Variants in VEPH1 observed in about 807,000 individuals in gnomAD.
The protein encoded by VEPH1 is ventricular zone-expressed PH domain-containing protein homolog 1.
A neutral mutation model predicts 85.2 loss-of-function variants in VEPH1; 80 were observed. The ratio of observed to expected loss-of-function variants is 0.94; its 90% CI spans 0.78 to 1.13. The LOEUF is 1.13. Ranked by LOEUF, VEPH1 falls within the 50% of genes most tolerant of loss-of-function variation. The probability of loss-of-function intolerance (pLI) is 0.00; values close to 1 mark genes in which losing one functional copy is unlikely to be tolerated. For missense variants in VEPH1, 955 were observed against 980.5 expected (o/e 0.97, Z 0.35); for synonymous variants, 297 against 348.0 (o/e 0.85, Z 1.63).
At chr3:157,496,669 C>T (rs1739690338) in intron 1 of VEPH1, among the ~76,000 whole-genome samples, 1 of 152,130 alleles carries the variant, frequency 6.6e-6, no homozygotes, top group African/African-American at 2.4e-5. Flanking sequence ...TGGGTAGTCT[C>T]AGACCTCTCC....
At chr3:157,304,808 T>C (rs1389011007) in intron 11 of VEPH1, among the ~76,000 whole-genome samples, 1 of 152,192 alleles carries the variant, frequency 6.6e-6, no homozygotes, top group Non-Finnish European at 1.5e-5. Context: ...CAACTAGAGC[T>C]ATATCATTAA....
chr3:157,481,467 A>ACACACACACACACAC (rs60293047), intron 2 of VEPH1, among the ~76,000 whole-genome samples: 44 of 53,514 alleles, frequency 8.2e-4, no homozygotes, highest in Non-Finnish European at 1.1e-3. Context: ...CACACACACA[A>ACACACACACACACAC]AAAAAAAAAA....
chr3:157,421,623 A>T (rs1732344741), intron 5 of VEPH1, among the ~76,000 whole-genome samples: 1 of 152,114 alleles, frequency 6.6e-6, no homozygotes. Context: ...TGTCTAATTA[A>T]GGAAGGGGTG....
At chr3:157,478,802 A>G (rs1273620552) in intron 2 of VEPH1, among the ~76,000 whole-genome samples, 1 of 152,204 alleles carries the variant, frequency 6.6e-6, no homozygotes, top group Non-Finnish European at 1.5e-5. Flanking sequence ...TATATCAGGT[A>G]TAGATACATC....
intron 12 of VEPH1, among the ~76,000 whole-genome samples, chr3:157,267,106 T>C (rs1278534072): frequency 1.4e-4 from 18 of 131,706 alleles, no homozygotes; most frequent in East Asian, 1.3e-3. Context: ...TTTTTTCTTT[T>C]TTTTTTTTTT....
At chr3:157,341,776 A>C (rs1723589089) in intron 9 of VEPH1, among the ~76,000 whole-genome samples, 1 of 152,066 alleles carries the variant, frequency 6.6e-6, no homozygotes, top group Admixed American at 6.5e-5. Flanking sequence ...AGCCAGAGAG[A>C]AAGGTCGGGT....
Position 157,495,311 on chromosome 3 carries a change from ATC to A in VEPH1, c.37_38del (p.Asp13SerfsTer12). Reference protein sequence around the residue: ...QLFRLVLGQKDLSRAGDLFSL... With the variant: ...QLFRLVLGQKXLSRAGDLFSL... ...AGAAGAGGTCCCCAGCTCGTGAAAG[ATC>A]TTTTTGTCCCAAAACCAGTCTGAAC... On this transcript the variant is annotated frameshift_variant, in exon 2 of 14. Transcript: ENST00000362010. LOFTEE classifies it high-confidence loss of function. The A allele has an allele frequency of 6.2e-7, 1 of 1,614,054 alleles. No individual in the cohort carries two copies. Among genetic ancestry groups the A allele is most frequent in the South Asian group, 1.1e-5 (1 of 91,072 alleles).
At chr3:157,426,369 C>G (rs1483525389) in intron 5 of VEPH1, among the ~76,000 whole-genome samples, 1 of 152,080 alleles carries the variant, frequency 6.6e-6, no homozygotes, top group Non-Finnish European at 1.5e-5. Flanking sequence ...CGAAGAGAGC[C>G]CCTAGCACCT....
intron 12 of VEPH1, among the ~76,000 whole-genome samples, chr3:157,280,636 T>C (rs563271156): frequency 1.3e-5 from 2 of 152,340 alleles, no homozygotes; most frequent in South Asian, 4.1e-4. Flanking sequence ...AAATTCAGTT[T>C]CCACAACATG....
intron 8 of VEPH1, 54 bp from the exon 9 acceptor site, chr3:157,363,815 A>C (rs55865575): frequency 0.25 from 390,519 of 1,561,708 alleles, 52,214 homozygotes; most frequent in Admixed American, 0.47. Context: ...TTCACTGACA[A>C]GGAAAAGAAA....
At chr3:157,320,720 A>G (rs1303974775) in intron 9 of VEPH1, among the ~76,000 whole-genome samples, 2 of 152,162 alleles carry the variant, frequency 1.3e-5, no homozygotes, top group Admixed American at 6.5e-5. Flanking sequence ...TAACATGAAC[A>G]TAAGTAATTA....
chr3:157,452,191 A>AG (rs1188194952), intron 4 of VEPH1, among the ~76,000 whole-genome samples: 20 of 152,188 alleles, frequency 1.3e-4, no homozygotes, highest in African/African-American at 4.8e-4. Flanking sequence ...CATGCAGGGG[A>AG]GGGCAGCCAA....
At chr3:157,494,949 T>C (rs1412857670) in intron 2 of VEPH1, among the ~76,000 whole-genome samples, 2 of 152,166 alleles carry the variant, frequency 1.3e-5, no homozygotes, top group East Asian at 3.8e-4. Flanking sequence ...AATATTTTTG[T>C]GAGAATTCCA....
At chr3:157,459,937 CAGATT>C (rs1427087497) in intron 4 of VEPH1, 1 of 1,537,060 alleles carries the variant, frequency 6.5e-7, no homozygotes, top group African/African-American at 1.4e-5. Context: ...CTGAGAAACA[CAGATT>C]TGGAAGAATG....
At chr3:157,438,888 A>G (rs1733894427) in intron 4 of VEPH1, among the ~76,000 whole-genome samples, 1 of 152,204 alleles carries the variant, frequency 6.6e-6, no homozygotes, top group African/African-American at 2.4e-5. Context: ...TAGGTAAGAA[A>G]ATATAACTTG....
chr3:157,438,063 A>ACACG (rs1733807182), intron 4 of VEPH1: 1 of 746,200 alleles, frequency 1.3e-6, no homozygotes. Flanking sequence ...ACACACACAC[A>ACACG]CACACACACC....
At chr3:157,428,835 G>C (rs990707746) in intron 4 of VEPH1, among the ~76,000 whole-genome samples, 1 of 152,066 alleles carries the variant, frequency 6.6e-6, no homozygotes, top group African/African-American at 2.4e-5. Context: ...AAATTTAAAC[G>C]ATGTTTAAAT....
chr3:157,272,767 G>A (rs151211368), intron 12 of VEPH1, among the ~76,000 whole-genome samples: 22 of 152,044 alleles, frequency 1.4e-4, no homozygotes, highest in African/African-American at 4.8e-4. Context: ...CTAGCCCCTG[G>A]GTGTTTTTCT....
At chr3:157,276,635 C>G (rs979163182) in intron 12 of VEPH1, among the ~76,000 whole-genome samples, 1 of 152,166 alleles carries the variant, frequency 6.6e-6, no homozygotes, top group African/African-American at 2.4e-5. Context: ...AGCTTACATT[C>G]ATGTTCTTGG....
Sources: allele counts gnomAD v4.1 joint callset (sites outside exome capture counted in the v4.1 genomes callset), GRCh38; gene constraint gnomAD v4.1.1; transcripts MANE v1.5; gene names NCBI Gene and HGNC (gene_info 2026-07-23, HGNC 2026-07-21).